RBPJ: variants seen among roughly 807,000 people sequenced by gnomAD.
RBPJ encodes the protein recombination signal binding protein for immunoglobulin kappa J region.
RBPJ carries 9 observed loss-of-function variants against 67.8 expected under a neutral mutation model. That is an observed-to-expected ratio of 0.13 (90% CI 0.08 to 0.23). RBPJ has a LOEUF of 0.23. RBPJ is among the 10% of genes least tolerant of loss of function. The pLI is 1.00. For missense variants in RBPJ, 305 were observed against 595.6 expected (o/e 0.51, Z 5.08); for synonymous variants, 198 against 203.3 (o/e 0.97, Z 0.22).
intron 1 of RBPJ, among the ~76,000 whole-genome samples, chr4:26,296,004 A>G (rs1225974763): frequency 6.6e-6 from 1 of 152,222 alleles, no homozygotes; most frequent in Non-Finnish European, 1.5e-5. Flanking sequence ...CTATAAGAGC[A>G]CCTGAATTAA....
At chr4:26,387,069 T>G (rs1730989438) in intron 2 of RBPJ, among the ~76,000 whole-genome samples, 1 of 152,188 alleles carries the variant, frequency 6.6e-6, no homozygotes, top group South Asian at 2.1e-4. Flanking sequence ...TCACACTCTA[T>G]CATTGTTCTA....
Position 26,351,955 on chromosome 4 carries a change from G to A in RBPJ, c.20+30907G>A, listed in dbSNP as rs147753075. On this transcript the variant is annotated intron_variant, in intron 1 of 10. Transcript: ENST00000355476. ...TGCTAAGAGCTGCTTTGGGTCGGGGGGAGGTGTGTGGTTATGGTGGGGAGT... is the reference window on the plus strand; with the variant it reads ...TGCTAAGAGCTGCTTTGGGTCGGGGAGAGGTGTGTGGTTATGGTGGGGAGT... Among the ~76,000 whole-genome samples the A allele has an allele frequency of 7.3e-4, 111 of 152,274 alleles. 1 individual carries two copies. The highest frequency in any genetic ancestry group is 3.4e-3 in the Middle Eastern group (1 of 294).
chr4:26,107,581 C>T, the RBPJ span, among the ~76,000 whole-genome samples: 14 of 152,196 alleles, frequency 9.2e-5, no homozygotes, highest in African/African-American at 2.9e-4. Context: ...TTCAAAGTCC[C>T]TTGGCCAACG....
At position 26,244,473 on chromosome 4, in the gene RBPJ, A is replaced by G. The variant is rs80297971; in HGVS notation, c.-167+80859A>G. Among the ~76,000 whole-genome samples, 27 of 83,562 alleles carry G rather than the reference A, an allele frequency of 3.2e-4. 5 individuals are homozygous for G. Among genetic ancestry groups the G allele is most frequent in the African/African-American group, 1.1e-3 (26 of 24,410 alleles). 54.8% of individuals were successfully genotyped at this position (83,562 alleles called of 152,430 possible). On this transcript the variant is annotated intron_variant, in intron 1 of 4. Transcript: ENST00000512351. ...TACATATATGTGTGTATATATGTATACATATGTGTGTATACATATATGTGT... is the reference window on the plus strand; with the variant it reads ...TACATATATGTGTGTATATATGTATGCATATGTGTGTATACATATATGTGT...
At chr4:26,316,594 TAATA>T (rs1560258579), upstream of RBPJ, among the ~76,000 whole-genome samples, 2 of 134,424 alleles carry the variant, frequency 1.5e-5, no homozygotes, top group Non-Finnish European at 1.6e-5. Flanking sequence ...TTCATATATA[TAATA>T]TATATATACA....
At chr4:26,302,074 T>C (rs887332616) in intron 1 of RBPJ, among the ~76,000 whole-genome samples, 2 of 152,180 alleles carry the variant, frequency 1.3e-5, no homozygotes, top group Non-Finnish European at 2.9e-5. Context: ...ATTACAGGCA[T>C]GAGAAATGAG....
At chr4:26,143,587 A>G in the RBPJ span, among the ~76,000 whole-genome samples, 1 of 152,234 alleles carries the variant, frequency 6.6e-6, no homozygotes, top group Admixed American at 6.5e-5. Flanking sequence ...TTTGTAAGCC[A>G]CTAAGTTTGA....
chr4:26,404,137 C>CTT (rs34480887), intron 2 of RBPJ, among the ~76,000 whole-genome samples: 2 of 151,916 alleles, frequency 1.3e-5, no homozygotes, highest in Non-Finnish European at 2.9e-5. Context: ...TGATACTGAG[C>CTT]TTTTTTTCAT....
In RBPJ at chr4:26,381,296, G is replaced by A. The variant is rs142200021; in HGVS notation, c.21-5057G>A. Among the ~76,000 whole-genome samples the A allele has an allele frequency of 1.6e-4, 24 of 152,094 alleles. 1 individual carries two copies. Among genetic ancestry groups the A allele is most frequent in the African/African-American group, 5.5e-4 (23 of 41,506 alleles). ...GGAGAAAACAATACCTCCTCTGTGAGCAAAACAGAAGTATATATATTAATG... is the reference window on the plus strand; with the variant it reads ...GGAGAAAACAATACCTCCTCTGTGAACAAAACAGAAGTATATATATTAATG... On this transcript the variant is annotated intron_variant, in intron 1 of 10. Transcript: ENST00000355476.
In RBPJ at chr4:26,433,347, G is replaced by T. The variant is rs1736397074; in HGVS notation, c.*2340G>T. Reference sequence around the variant, plus strand: ...ATGGACATGTTCCTAGTGCTGCTTTGCTTTAACGGCCACAAGTTTCCTCCA... The same window carrying T: ...ATGGACATGTTCCTAGTGCTGCTTTTCTTTAACGGCCACAAGTTTCCTCCA... On this transcript the variant is annotated 3_prime_UTR_variant, in exon 11 of 11. Coordinates refer to ENST00000355476, the MANE Select transcript of RBPJ (RefSeq NM_015874.6). 6.6e-6 allele frequency: 1 copy of T among 152,130 alleles called. No individual in the cohort carries two copies. Among genetic ancestry groups the T allele is most frequent in the Admixed American group, 6.5e-5 (1 of 15,278 alleles). The allele number at this position is 152,130 out of a possible 1,614,324, so 9.4% of individuals were successfully genotyped here.
chr4:26,415,356 T>G (rs922705191), intron 3 of RBPJ, 119 bp from the exon 4 acceptor site: 4 of 878,958 alleles, frequency 4.6e-6, no homozygotes, highest in Non-Finnish European at 6.8e-6. Context: ...AATTTTTCAT[T>G]GGGGAATAGG....
chr4:26,401,528 A>G (rs1233529122), intron 2 of RBPJ, among the ~76,000 whole-genome samples: 4 of 152,226 alleles, frequency 2.6e-5, no homozygotes, highest in Non-Finnish European at 4.4e-5. Context: ...TCTTTGTAGA[A>G]AGCATTTGTG....
chr4:26,214,710 A>AG (rs1560213869), intron 1 of RBPJ, among the ~76,000 whole-genome samples: 2,277 of 71,488 alleles, frequency 0.032, 109 homozygotes, highest in African/African-American at 0.13. Context: ...GGAAGGAAGG[A>AG]AGGAGAGAGA....
the RBPJ span, among the ~76,000 whole-genome samples, chr4:26,130,468 G>A: frequency 3.3e-5 from 5 of 152,100 alleles, no homozygotes; most frequent in Admixed American, 1.3e-4. Flanking sequence ...GAAGCATGCC[G>A]GCTGCAGCCG....
At chr4:26,384,501 C>T (rs1476555040) in intron 1 of RBPJ, 2 of 152,130 alleles carry the variant, frequency 1.3e-5, no homozygotes, top group Non-Finnish European at 2.9e-5. Flanking sequence ...TGTTTATGAA[C>T]AAGTTACTTA....
the RBPJ span, among the ~76,000 whole-genome samples, chr4:26,142,463 G>A: frequency 6.6e-6 from 1 of 152,294 alleles, no homozygotes; most frequent in African/African-American, 2.4e-5. Flanking sequence ...GGAAGGTGGC[G>A]GCTTAACAGG....
rs949762561 is a variant in RBPJ, at chr4:26,434,920, A to G, written c.*3913A>G. The G allele has an allele frequency of 6.6e-6, 1 of 152,248 alleles. No individual in the cohort carries two copies. The highest frequency in any genetic ancestry group is 1.5e-5 in the Non-Finnish European group (1 of 68,026). 9.4% of individuals were successfully genotyped at this position (152,248 alleles called of 1,614,324 possible). On this transcript the variant is annotated 3_prime_UTR_variant, in exon 11 of 11. Coordinates refer to ENST00000355476, the MANE Select transcript of RBPJ (RefSeq NM_015874.6). ...ATAAAAAGGAAATGTAAACCATTGT[A>G]AAAGTCTTCTGTCGAATGTGCCTGA...
intron 1 of RBPJ, among the ~76,000 whole-genome samples, chr4:26,286,057 G>T (rs1034018928): frequency 6.6e-6 from 1 of 152,088 alleles, no homozygotes; most frequent in Non-Finnish European, 1.5e-5. Context: ...CGCTATGATC[G>T]TGCCGCTGCA....
intron 1 of RBPJ, among the ~76,000 whole-genome samples, chr4:26,265,591 G>A (rs1720681572): frequency 6.6e-6 from 1 of 151,906 alleles, no homozygotes; most frequent in African/African-American, 2.4e-5. Flanking sequence ...TTTCATCTCT[G>A]GTAGTTAATC....
Sources: allele counts gnomAD v4.1 joint callset (sites outside exome capture counted in the v4.1 genomes callset), GRCh38; gene constraint gnomAD v4.1.1; transcripts MANE v1.5; gene names NCBI Gene and HGNC (gene_info 2026-07-23, HGNC 2026-07-21).